PRKAR1A: variants seen among roughly 807,000 people sequenced by gnomAD.
The protein encoded by PRKAR1A is cAMP-dependent protein kinase type I-alpha regulatory subunit.
PRKAR1A carries 3 observed loss-of-function variants against 52.0 expected under a neutral mutation model. The observed-to-expected ratio is 0.06, with a 90% confidence interval of 0.03 to 0.15. The LOEUF (loss-of-function observed/expected upper bound fraction) is 0.15, where lower values mean the gene tolerates loss of function less well. Ranked by LOEUF, PRKAR1A falls within the 10% of genes least tolerant of loss-of-function variation. The probability of loss-of-function intolerance (pLI) is 1.00; values close to 1 mark genes in which losing one functional copy is unlikely to be tolerated. For missense variants in PRKAR1A, 240 were observed against 477.4 expected, an observed-to-expected ratio of 0.50 and a Z score of 4.63; for synonymous variants, 188 against 168.4, an observed-to-expected ratio of 1.12 and a Z score of -0.90.
chr17:68,519,594 A>G (rs2085539668), intron 2 of PRKAR1A, among the ~76,000 whole-genome samples: 2 of 152,206 alleles, frequency 1.3e-5, no homozygotes. Flanking sequence ...TCAGTCTGAA[A>G]ATACAGTCAT....
chr17:68,424,286 G>A, the PRKAR1A span, among the ~76,000 whole-genome samples: 2 of 152,120 alleles, frequency 1.3e-5, no homozygotes, highest in East Asian at 3.8e-4. Context: ...AAAAGCTCAC[G>A]CTGCGACCGA....
At chr17:68,528,050 T>G in intron 8 of PRKAR1A, 150 bp downstream of exon 8, 1 of 698,892 alleles carries the variant, frequency 1.4e-6, no homozygotes, top group Non-Finnish European at 2.5e-6. Flanking sequence ...ACTGTGGACA[T>G]TCACAGTTAT....
intron 7 of PRKAR1A, among the ~76,000 whole-genome samples, chr17:68,526,624 T>G (rs2085799691): frequency 1.3e-5 from 2 of 152,136 alleles, no homozygotes; most frequent in South Asian, 4.1e-4. Flanking sequence ...CGCAGCAACA[T>G]AGATAGAGCT....
chr17:68,537,715 A>G (rs1361042027), downstream of PRKAR1A: 1 of 1,612,938 alleles, frequency 6.2e-7, no homozygotes. The surrounding 1 kb of genome is among the most constrained non-coding windows in gnomAD (Gnocchi z 4.2). Flanking sequence ...CAGCAGCTGC[A>G]GGTGCAAAAG....
chr17:68,534,224 G>A (rs1157159014), downstream of PRKAR1A, among the ~76,000 whole-genome samples: 4 of 152,162 alleles, frequency 2.6e-5, no homozygotes, highest in South Asian at 2.1e-4. Context: ...CACTGAGTAA[G>A]ATTTTTTCAT....
At chr17:68,451,963 C>CA in the PRKAR1A span, among the ~76,000 whole-genome samples, 1 of 152,226 alleles carries the variant, frequency 6.6e-6, no homozygotes, top group African/African-American at 2.4e-5. Flanking sequence ...AAAAAATTCA[C>CA]AAAAATGGTG....
downstream of PRKAR1A, chr17:68,533,538 A>G (rs944152785): frequency 9.2e-6 from 6 of 652,068 alleles, no homozygotes; most frequent in Non-Finnish European, 1.2e-5. Flanking sequence ...AAATATTGAC[A>G]TTTAAAAATT....
intron 11 of PRKAR1A, chr17:68,541,978 A>G (rs1228699015): frequency 1.9e-6 from 3 of 1,612,154 alleles, no homozygotes; most frequent in Non-Finnish European, 1.7e-6. Context: ...CCTGGGGACC[A>G]ACTCACTCCT....
the PRKAR1A span, among the ~76,000 whole-genome samples, chr17:68,472,190 C>G: frequency 6.6e-6 from 1 of 152,208 alleles, no homozygotes; most frequent in African/African-American, 2.4e-5. Context: ...CCCACCCACA[C>G]AACCCCTTTC....
In PRKAR1A at chr17:68,542,090, A is replaced by C. The variant is rs1315186994; in HGVS notation, c.974-8994A>C. On this transcript the variant is annotated intron_variant, in intron 11 of 11. Transcript: ENST00000585981. ...GAAGGCAGAGAGGGAACCCTCCAGC[A>C]GGTGTGGGTTGCCACAGACAGCATA... 4.3e-6 allele frequency: 7 copies of C among 1,613,980 alleles called. No homozygotes were observed. The East Asian group carries it at 6.7e-5, about 15-fold the overall frequency.
At chr17:68,435,593 CAG>C in the PRKAR1A span, 1 of 1,610,716 alleles carries the variant, frequency 6.2e-7, no homozygotes, top group Non-Finnish European at 8.5e-7. Context: ...GAAACCCAGA[CAG>C]AGGTGTTGGT....
chr17:68,430,540 A>T, the PRKAR1A span, among the ~76,000 whole-genome samples: 1 of 152,298 alleles, frequency 6.6e-6, no homozygotes, highest in South Asian at 2.1e-4. Context: ...TGCCGGGCTC[A>T]TGGAAGAACA....
downstream of PRKAR1A, chr17:68,537,724 A>C: frequency 6.2e-7 from 1 of 1,612,380 alleles, no homozygotes; most frequent in Non-Finnish European, 8.5e-7. The surrounding 1 kb of genome is among the most constrained non-coding windows in gnomAD (Gnocchi z 4.2). Context: ...CAGGTGCAAA[A>C]GTGTTTTCTT....
At chr17:68,430,774 G>A in the PRKAR1A span, among the ~76,000 whole-genome samples, 235 of 152,286 alleles carry the variant, frequency 1.5e-3, no homozygotes, top group African/African-American at 5.5e-3. Context: ...TTCTGTTGGT[G>A]AGAGACAACC....
intron 11 of PRKAR1A, among the ~76,000 whole-genome samples, chr17:68,540,164 AC>A (rs1042181968): frequency 6.6e-6 from 1 of 151,950 alleles, no homozygotes; most frequent in Non-Finnish European, 1.5e-5. Context: ...AAACAAGCAA[AC>A]CCTAAATGGA....
the PRKAR1A span, chr17:68,428,424 G>T: frequency 4.5e-5 from 8 of 179,658 alleles, no homozygotes; most frequent in East Asian, 1.3e-3. Flanking sequence ...GTATAGATGG[G>T]GTTTCACCAT....
At chr17:68,427,352 C>G in the PRKAR1A span, 4 of 893,374 alleles carry the variant, frequency 4.5e-6, no homozygotes, top group East Asian at 9.9e-5. Context: ...GTGCTCAGCT[C>G]TGTGGGTTAT....
At chr17:68,500,166 A>G in the PRKAR1A span, among the ~76,000 whole-genome samples, 14 of 152,192 alleles carry the variant, frequency 9.2e-5, no homozygotes, top group Admixed American at 7.9e-4. Flanking sequence ...ACCAATTGGA[A>G]ACAGTTCTCA....
the PRKAR1A span, chr17:68,428,606 T>C: frequency 2.0e-6 from 1 of 489,552 alleles, no homozygotes. Flanking sequence ...GGAGACCATC[T>C]TGTGTGTTAT....
Sources: gnomAD v4.1 joint callset for allele counts (sites outside exome capture counted in the v4.1 genomes callset) on GRCh38, gnomAD v4.1.1 for gene constraint, Gnocchi (gnomAD v3.1) non-coding constraint, MANE v1.5 for transcripts, NCBI Gene and HGNC (gene_info 2026-07-23, HGNC 2026-07-21) for gene names.